NICOL1: variants seen among roughly 807,000 people sequenced by gnomAD.
The protein encoded by NICOL1 is NELL2-interacting cell ontogeny regulator 1.
At chr4:2,041,662 G>A in the NICOL1 span, 2 of 282,328 alleles carry the variant, frequency 7.1e-6, no homozygotes, top group South Asian at 1.2e-4. Context: ...GTTTGCATGC[G>A]CAGCTCCCCG....
the NICOL1 span, among the ~76,000 whole-genome samples, chr4:2,040,883 G>T: frequency 8.0e-6 from 1 of 124,886 alleles, no homozygotes; most frequent in African/African-American, 3.0e-5. Context: ...ACCCGCGTCC[G>T]GCCGGGGCAG....
the NICOL1 span, among the ~76,000 whole-genome samples, chr4:2,039,408 C>T: frequency 2.0e-5 from 3 of 150,012 alleles, no homozygotes; most frequent in Non-Finnish European, 4.4e-5. Flanking sequence ...AGCAAGATTG[C>T]GTCTCAAAAA....
At chr4:2,038,591 T>C in the NICOL1 span, among the ~76,000 whole-genome samples, 1 of 152,122 alleles carries the variant, frequency 6.6e-6, no homozygotes, top group South Asian at 2.1e-4. Context: ...TTTTTTAAAA[T>C]TAAACATTCT....
At chr4:2,043,456 T>C in the NICOL1 span, among the ~76,000 whole-genome samples, 1 of 152,134 alleles carries the variant, frequency 6.6e-6, no homozygotes, top group African/African-American at 2.4e-5. Flanking sequence ...AGTGTCCTTC[T>C]TGGGAACACT....
the NICOL1 span, chr4:2,041,980 G>A: frequency 1.4e-6 from 2 of 1,457,044 alleles, no homozygotes; most frequent in Non-Finnish European, 1.8e-6. Flanking sequence ...CCCGGGCGGG[G>A]TCGGGTCGGA....
the NICOL1 span, chr4:2,042,106 C>T: frequency 6.7e-7 from 1 of 1,485,688 alleles, no homozygotes. Context: ...TGGGCGTTTT[C>T]TAGATACGGG....
the NICOL1 span, among the ~76,000 whole-genome samples, chr4:2,040,142 T>A: frequency 6.6e-6 from 1 of 152,174 alleles, no homozygotes; most frequent in African/African-American, 2.4e-5. Flanking sequence ...AGTCTCACTC[T>A]GTGGCCCAGG....
At chr4:2,041,988 G>A in the NICOL1 span, 2 of 1,466,280 alleles carry the variant, frequency 1.4e-6, no homozygotes, top group Admixed American at 2.9e-5. Flanking sequence ...GGGTCGGGTC[G>A]GAGCGCATGC....
chr4:2,042,704 G>C, the NICOL1 span: 1 of 1,306,870 alleles, frequency 7.7e-7, no homozygotes. Context: ...CCCCCCCTGC[G>C]CCCCCTCCAC....
At chr4:2,043,759 C>A in the NICOL1 span, 1 of 921,154 alleles carries the variant, frequency 1.1e-6, no homozygotes, top group Non-Finnish European at 1.7e-6. Context: ...CCTTGTCTGT[C>A]TCAGGAGCCG....
At chr4:2,038,078 T>G in the NICOL1 span, among the ~76,000 whole-genome samples, 1 of 151,248 alleles carries the variant, frequency 6.6e-6, no homozygotes, top group African/African-American at 2.4e-5. Flanking sequence ...TTATTAAATT[T>G]GTGCATTTAA....
At chr4:2,041,925 C>T in the NICOL1 span, 2 of 1,414,530 alleles carry the variant, frequency 1.4e-6, no homozygotes, top group Non-Finnish European at 1.8e-6. Flanking sequence ...AAACCCGCGG[C>T]CAGCGCAGTC....
the NICOL1 span, among the ~76,000 whole-genome samples, chr4:2,040,224 A>T: frequency 6.6e-6 from 1 of 152,164 alleles, no homozygotes; most frequent in Admixed American, 6.5e-5. Flanking sequence ...CTCCTGCCTC[A>T]GCCTCCCCAG....
the NICOL1 span, among the ~76,000 whole-genome samples, chr4:2,043,701 A>G: frequency 4.6e-5 from 7 of 152,292 alleles, no homozygotes; most frequent in African/African-American, 1.7e-4. Context: ...TGCAGAGGAA[A>G]GAGATGAGTG....
chr4:2,042,650 C>T, the NICOL1 span: 8 of 725,322 alleles, frequency 1.1e-5, no homozygotes, highest in Non-Finnish European at 1.7e-5. Flanking sequence ...CGCTCTTTGG[C>T]ACTGGGTGGA....
At chr4:2,042,841 C>G in the NICOL1 span, 1 of 1,470,784 alleles carries the variant, frequency 6.8e-7, no homozygotes, top group Non-Finnish European at 9.0e-7. Context: ...GCCCGCGGCG[C>G]GACGGTCCTC....
At chr4:2,042,690 G>A in the NICOL1 span, 1 of 1,181,040 alleles carries the variant, frequency 8.5e-7, no homozygotes, top group Non-Finnish European at 1.2e-6. Flanking sequence ...GGCCTTGCGG[G>A]TGACCCCCCC....
chr4:2,041,921 G>C, the NICOL1 span: 13 of 1,405,666 alleles, frequency 9.2e-6, no homozygotes, highest in African/African-American at 1.7e-4. Context: ...CTCTAAACCC[G>C]CGGCCAGCGC....
the NICOL1 span, chr4:2,041,737 T>G: frequency 2.3e-6 from 1 of 441,354 alleles, no homozygotes; most frequent in Non-Finnish European, 4.0e-6. Context: ...CAGCCACAGA[T>G]TTCCCACTTC....
Sources: allele counts gnomAD v4.1 joint callset (sites outside exome capture counted in the v4.1 genomes callset), GRCh38; gene constraint gnomAD v4.1.1; transcripts MANE v1.5; gene names NCBI Gene and HGNC (gene_info 2026-07-23, HGNC 2026-07-21).